The following THADA variants were observed in gnomAD, a reference collection of about 807,000 sequenced individuals.
THADA encodes the protein tRNA (32-2'-O)-methyltransferase regulator THADA.
In THADA, 213 loss-of-function variants were observed where a neutral mutation model predicts 219.8. That is an observed-to-expected ratio of 0.97 (90% confidence interval 0.87 to 1.09). THADA has a LOEUF of 1.09. Among genes scored for constraint, THADA ranks in the 50% least tolerant of loss-of-function variants. THADA has a pLI of 0.00. For missense variants in THADA, 2,956 were observed against 2,311.3 expected, an observed-to-expected ratio of 1.28 and a Z score of -5.72; for synonymous variants, 1,018 against 828.9, an observed-to-expected ratio of 1.23 and a Z score of -3.92.
At chr2:43,423,167 AGTCCTAT>A (rs142364726) in intron 28 of THADA, among the ~76,000 whole-genome samples, 45,593 of 151,680 alleles carry the variant, frequency 0.3, 7,106 homozygotes, top group Non-Finnish European at 0.35. Flanking sequence ...TGTGTTTGTC[AGTCCTAT>A]GCTTGAAGGT....
At chr2:43,306,200 T>C (rs1676844568) in intron 31 of THADA, among the ~76,000 whole-genome samples, 1 of 152,120 alleles carries the variant, frequency 6.6e-6, no homozygotes, top group Admixed American at 6.6e-5. Flanking sequence ...TCTGTAGAGA[T>C]GGGGTTTTGC....
chr2:43,488,655 T>C (rs1428531124), intron 25 of THADA, among the ~76,000 whole-genome samples: 2 of 152,216 alleles, frequency 1.3e-5, no homozygotes, highest in African/African-American at 4.8e-5. Flanking sequence ...ATGTACAAGT[T>C]TTTGTGTGAA....
At chr2:43,592,988 C>T (rs1488474674) in intron 1 of THADA, 1 of 152,184 alleles carries the variant, frequency 6.6e-6, no homozygotes, top group Non-Finnish European at 1.5e-5. Flanking sequence ...GGCTAAACAA[C>T]CCAACTCAGA....
Position 43,505,627 on chromosome 2 carries a change from G to T in THADA, c.3616C>A (p.Pro1206Thr). 1.3e-6 allele frequency: 2 copies of T among 1,583,304 alleles called. No individual in the cohort carries two copies. The highest frequency in any genetic ancestry group is 1.3e-5 in the African/African-American group (1 of 74,532). ...GPTDDIQSTV[P>T]QVHALNILRA... ...TTGTGTATTTCCATGATTACCTGGG[G>T]GACTGTACTCTGTATGTCATCTGTA... Residue 1206 changes from proline (P) to threonine (T), a missense_variant, in exon 24 of 38, where the codon CCC becomes ACC. Pro to Thr is a conservative substitution (Grantham distance 38, BLOSUM62 -1). Coordinates refer to ENST00000405975, the MANE Select transcript of THADA (RefSeq NM_022065.5).
At chr2:43,341,419 G>C (rs1489790158) in intron 30 of THADA, among the ~76,000 whole-genome samples, 1 of 152,158 alleles carries the variant, frequency 6.6e-6, no homozygotes, top group Non-Finnish European at 1.5e-5. Flanking sequence ...CACAGGACAG[G>C]TTTTAAAAGG....
chr2:43,248,985 T>C (rs72875592), intron 36 of THADA, among the ~76,000 whole-genome samples: 3,715 of 152,284 alleles, frequency 0.024, 137 homozygotes, highest in African/African-American at 0.081. Context: ...TGTCTGACAA[T>C]TGTGCCCCTT....
chr2:43,468,775 G>A (rs1000232031), intron 26 of THADA, among the ~76,000 whole-genome samples: 1 of 152,172 alleles, frequency 6.6e-6, no homozygotes, highest in African/African-American at 2.4e-5. Context: ...ACATCAGGAA[G>A]GGTCCTAAGG....
rs57697839 is a variant in THADA at position 43,308,758 on chromosome 2, C to CAAAA, written c.4438+11684_4438+11687dup. The stretch of plus-strand genomic sequence containing the variant: ...GTGCTGAAACATTGGATACCCATAC[C>CAAAA]AAAAAAAAAAAAAAAAAAAAAAAAA... On this transcript the variant is annotated intron_variant, in intron 31 of 37. Transcript: ENST00000405975. Among the ~76,000 whole-genome samples, 15 of 50,864 alleles carry CAAAA rather than the reference C, an allele frequency of 2.9e-4. 3 individuals are homozygous for CAAAA. Among genetic ancestry groups the CAAAA allele is most frequent in the Admixed American group, 6.3e-4 (2 of 3,154 alleles). The allele number at this position is 50,864 out of a possible 152,430, so 33.4% of individuals were successfully genotyped here.
intron 28 of THADA, among the ~76,000 whole-genome samples, chr2:43,410,748 T>A (rs1277292658): frequency 6.6e-6 from 1 of 152,024 alleles, no homozygotes; most frequent in African/African-American, 2.4e-5. Flanking sequence ...GGAGGTTGGG[T>A]AAGGATTACA....
chr2:43,554,731 A>T (rs1244516667), intron 17 of THADA, among the ~76,000 whole-genome samples: 1 of 152,190 alleles, frequency 6.6e-6, no homozygotes, highest in Non-Finnish European at 1.5e-5. Context: ...ACTTGGCATC[A>T]TCTCATAAAG....
intron 36 of THADA, among the ~76,000 whole-genome samples, chr2:43,244,043 A>T (rs1668880862): frequency 1.3e-5 from 2 of 152,232 alleles, no homozygotes; most frequent in African/African-American, 4.8e-5. Context: ...TTAATCAACA[A>T]TACATTCCAA....
At chr2:43,408,210 C>T (rs1665744754) in intron 28 of THADA, 1 of 152,198 alleles carries the variant, frequency 6.6e-6, no homozygotes. Context: ...GCGACAGGTT[C>T]CACAAATGCT....
intron 29 of THADA, among the ~76,000 whole-genome samples, chr2:43,396,604 C>T (rs1025561203): frequency 1.3e-5 from 2 of 152,048 alleles, no homozygotes; most frequent in African/African-American, 4.8e-5. Flanking sequence ...AGTTCGAGAC[C>T]AGCTTGGCCA....
intron 26 of THADA, among the ~76,000 whole-genome samples, chr2:43,449,360 T>G (rs1225766056): frequency 6.6e-6 from 1 of 151,372 alleles, no homozygotes; most frequent in Non-Finnish European, 1.5e-5. Context: ...ATTATGGGAG[T>G]TCTAGAAGGA....
chr2:43,434,474 C>T (rs1375767316), intron 26 of THADA, among the ~76,000 whole-genome samples: 1 of 152,090 alleles, frequency 6.6e-6, no homozygotes, highest in East Asian at 1.9e-4. Context: ...CCAACCTGTA[C>T]CTATAAAATC....
At chr2:43,528,782 T>C (rs1181721647) in intron 21 of THADA, among the ~76,000 whole-genome samples, 1 of 152,164 alleles carries the variant, frequency 6.6e-6, no homozygotes, top group Non-Finnish European at 1.5e-5. Flanking sequence ...CTTTTTTCCT[T>C]CTTTTAAAAT....
At chr2:43,467,742 C>T (rs1315629195) in intron 26 of THADA, among the ~76,000 whole-genome samples, 1 of 152,128 alleles carries the variant, frequency 6.6e-6, no homozygotes, top group Non-Finnish European at 1.5e-5. Context: ...AAAAGCTTGA[C>T]AACAGTCTTA....
intron 5 of THADA, 38 bp from the exon 6 acceptor site, chr2:43,586,772 C>A (rs755607634): frequency 3.1e-6 from 5 of 1,610,042 alleles, no homozygotes; most frequent in African/African-American, 1.3e-5. Flanking sequence ...AGGAGTTTCA[C>A]GACCAAAATC....
At chr2:43,520,512 A>G (rs1692268152) in intron 22 of THADA, among the ~76,000 whole-genome samples, 1 of 152,072 alleles carries the variant, frequency 6.6e-6, no homozygotes, top group Non-Finnish European at 1.5e-5. Flanking sequence ...ACACGGCACA[A>G]GCCCATCTCT....
Sources: allele counts gnomAD v4.1 joint callset (sites outside exome capture counted in the v4.1 genomes callset), GRCh38; gene constraint gnomAD v4.1.1; transcripts MANE v1.5; gene names NCBI Gene and HGNC (gene_info 2026-07-23, HGNC 2026-07-21).